The following CACNA1B variants were observed in gnomAD, a reference collection of about 807,000 sequenced individuals.
CACNA1B encodes calcium voltage-gated channel subunit alpha1 B, also known as voltage-dependent N-type calcium channel subunit alpha-1B.
Under a neutral mutation model 247.2 loss-of-function variants are expected in CACNA1B, and 70 were observed. The ratio of observed to expected loss-of-function variants is 0.28; its 90% CI spans 0.23 to 0.35. The LOEUF (loss-of-function observed/expected upper bound fraction) is 0.35. Among genes scored for constraint, CACNA1B ranks in the 10% least tolerant of loss-of-function variants. The pLI, the probability that CACNA1B is intolerant of heterozygous loss-of-function variation, is 1.00. For missense variants in CACNA1B, 2,367 were observed against 3,197.4 expected, an observed-to-expected ratio of 0.74 and a Z score of 6.26; for synonymous variants, 1,231 against 1,294.4, an observed-to-expected ratio of 0.95 and a Z score of 1.05.
chr9:137,960,613 G>C (rs939784150), intron 10 of CACNA1B, among the ~76,000 whole-genome samples: 2 of 151,986 alleles, frequency 1.3e-5, no homozygotes, highest in Non-Finnish European at 2.9e-5. Flanking sequence ...CGAGTGCCAA[G>C]ACCCTGAGGC....
chr9:137,914,418 A>T lies in CACNA1B; in HGVS notation c.623-236A>T, dbSNP rs1957389436. Among the ~76,000 whole-genome samples, 1 of 151,354 alleles carries T rather than the reference A, an allele frequency of 6.6e-6. No homozygotes were observed. The highest frequency in any genetic ancestry group is 2.4e-5 in the African/African-American group (1 of 41,068). On this transcript the variant is annotated intron_variant, in intron 4 of 46. Coordinates refer to ENST00000371372, the MANE Select transcript of CACNA1B (RefSeq NM_000718.4). This position sits in a 1 kb window ranked among gnomAD's most constrained non-coding sequence, Gnocchi z 4.3. Reference sequence around the variant, plus strand: ...CCTACTTTGAGACACTTCTCAGTCGACTTCTCTCTAGGACCTTATGCTTTG... The same window carrying T: ...CCTACTTTGAGACACTTCTCAGTCGTCTTCTCTCTAGGACCTTATGCTTTG...
rs138277172 is a variant in CACNA1B at position 138,056,933 on chromosome 9, G to GTTTTTTTT, written c.3969-786_3969-779dup. Among the ~76,000 whole-genome samples, 5 of 113,468 alleles carry GTTTTTTTT rather than the reference G, an allele frequency of 4.4e-5. 1 individual carries two copies. The highest frequency in any genetic ancestry group is 9.1e-5 in the Admixed American group (1 of 10,952). 74.4% of individuals were successfully genotyped at this position (113,468 alleles called of 152,430 possible). A position where few individuals can be genotyped will look rare whatever the true frequency, so the allele number is the denominator to read the frequency against. On this transcript the variant is annotated intron_variant, in intron 26 of 46. Coordinates refer to ENST00000371372, the MANE Select transcript of CACNA1B (RefSeq NM_000718.4). ...GATCCTTTACCCATTTTTTATTTGGGTTTTTTTTTTTTTTTTTTTTGAGAC... is the reference window on the plus strand; with the variant it reads ...GATCCTTTACCCATTTTTTATTTGGGTTTTTTTTTTTTTTTTTTTTTTTTTTTTGAGAC...
At position 137,976,698 on chromosome 9, in the gene CACNA1B, C is replaced by T. The variant is rs185805252; in HGVS notation, c.1656+679C>T. 4.5e-3 allele frequency among the ~76,000 whole-genome samples: 635 copies of T among 142,088 alleles called. 1 individual carries two copies. Among genetic ancestry groups the T allele is most frequent in the Non-Finnish European group, 6.6e-3 (435 of 65,692 alleles). 93.2% of individuals were successfully genotyped at this position (142,088 alleles called of 152,430 possible). ...GGCAGGGCAGTCTGAGAATTACCAA[C>T]TTATGTAGGTAGGGGAAGCCTTGGA... On this transcript the variant is annotated intron_variant, in intron 12 of 46. Coordinates refer to ENST00000371372, the MANE Select transcript of CACNA1B (RefSeq NM_000718.4).
In CACNA1B at chr9:137,952,150, C is replaced by T; in HGVS notation, c.967-124C>T. ...TGGACCTCCCTGTGACTGGCCTCCC[C>T]ACTGCCTGGACCCTACCAGGTGTGT... On this transcript the variant is annotated intron_variant, in intron 6 of 46. Coordinates refer to ENST00000371372, the MANE Select transcript of CACNA1B (RefSeq NM_000718.4). This position sits in a 1 kb window ranked among gnomAD's most constrained non-coding sequence, Gnocchi z 4.8. 1.4e-6 allele frequency: 1 copy of T among 716,094 alleles called. No homozygotes were observed. Among genetic ancestry groups the T allele is most frequent in the Non-Finnish European group, 2.5e-6 (1 of 404,254 alleles). The allele number at this position is 716,094 out of a possible 1,614,324, so 44.4% of individuals were successfully genotyped here. A position where few individuals can be genotyped will look rare whatever the true frequency, so the allele number is the denominator to read the frequency against.
Position 137,957,740 on chromosome 9 carries a change from T to C in CACNA1B, c.1333+53T>C. 1 of 1,282,778 alleles carries C rather than the reference T, an allele frequency of 7.8e-7. No individual in the cohort carries two copies. The highest frequency in any genetic ancestry group is 1.4e-5 in the South Asian group (1 of 69,332). The allele number at this position is 1,282,778 out of a possible 1,614,324, so 79.5% of individuals were successfully genotyped here. ...TGCCAGGCTTGAGCTGGACATGGAG[T>C]GCATGCTCCGCTTCCCCTGCTACCC... is the stretch of plus-strand genomic sequence containing the variant. On this transcript the variant is annotated intron_variant, in intron 10 of 46. Transcript: ENST00000371372. This position sits in a 1 kb window ranked among gnomAD's most constrained non-coding sequence, Gnocchi z 4.7.
chr9:137,931,231 G>A (rs141909080), intron 6 of CACNA1B, among the ~76,000 whole-genome samples: 156 of 151,860 alleles, frequency 1.0e-3, no homozygotes, highest in African/African-American at 3.7e-3. Context: ...GTGTGGGATC[G>A]GGCTCGCGTA....
intron 20 of CACNA1B, among the ~76,000 whole-genome samples, chr9:138,035,136 A>G (rs975608597): frequency 9.2e-5 from 14 of 152,340 alleles, no homozygotes; most frequent in Non-Finnish European, 1.6e-4. Flanking sequence ...TCATGTAGGC[A>G]TTTCATTATC....
Position 138,114,425 on chromosome 9 carries a change from G to A in CACNA1B, c.5584G>A (p.Asp1862Asn), listed in dbSNP as rs199901557. 8.2e-6 allele frequency: 13 copies of A among 1,594,684 alleles called. No homozygotes were observed. The highest frequency in any genetic ancestry group is 6.8e-5 in the East Asian group (3 of 44,400). The change falls in exon 41 of 47, where the codon GAC (aspartate) becomes AAC (asparagine). Residue 1862 changes from aspartate (D) to asparagine (N), a missense_variant. Coordinates refer to ENST00000371372, the MANE Select transcript of CACNA1B (RefSeq NM_000718.4). ...GGTTTATGCAGCTCTGATGATATTC[G>A]ACTTCTACAAGCAGAACAAAACCAC... ...GKVYAALMIF[D>N]FYKQNKTTRD...
At chr9:138,103,407 G>A (rs531507705) in intron 38 of CACNA1B, among the ~76,000 whole-genome samples, 60 of 152,322 alleles carry the variant, frequency 3.9e-4, no homozygotes, top group African/African-American at 1.3e-3. Flanking sequence ...GGGGTGCTGG[G>A]GAGAGGCATC....
rs771824005 is a variant in CACNA1B, at chr9:138,057,892, G to A, written c.4106+23G>A. 2.0e-5 allele frequency: 32 copies of A among 1,596,354 alleles called. No homozygotes were observed. Among genetic ancestry groups the A allele is most frequent in the Middle Eastern group, 1.8e-4 (1 of 5,694 alleles). ...CATGTGAGTGCTCATCCTGCTCTCC[G>A]TAGCTGGGGCAGGCAGCCCCTGAGC... On this transcript the variant is annotated intron_variant, in intron 27 of 46. Coordinates refer to ENST00000371372, the MANE Select transcript of CACNA1B (RefSeq NM_000718.4). The surrounding 1 kb of genome is among the most constrained non-coding windows in gnomAD (Gnocchi z 4.0).
chr9:138,026,094 G>A (rs544584494), intron 20 of CACNA1B, among the ~76,000 whole-genome samples: 12 of 152,274 alleles, frequency 7.9e-5, no homozygotes, highest in East Asian at 1.9e-4. Context: ...AGACGTGTGC[G>A]TGCCCATGTT....
intron 6 of CACNA1B, among the ~76,000 whole-genome samples, chr9:137,924,935 G>A (rs1957532589): frequency 2.0e-5 from 3 of 152,194 alleles, no homozygotes; most frequent in Admixed American, 2.0e-4. Context: ...TACTTGGCAG[G>A]CAGCCAGTGC....
rs887059871 is a variant in CACNA1B, at chr9:137,974,481, C to T, written c.1544-1426C>T. On this transcript the variant is annotated intron_variant, in intron 11 of 46. Coordinates refer to ENST00000371372, the MANE Select transcript of CACNA1B (RefSeq NM_000718.4). The surrounding 1 kb of genome is among the most constrained non-coding windows in gnomAD (Gnocchi z 4.5). ...CTCAGGCCATACAAAGTGGGGTGTC[C>T]GCTCCCTGAGACTCCTGTCTGTTTG... 5.3e-5 allele frequency among the ~76,000 whole-genome samples: 8 copies of T among 152,112 alleles called. No homozygotes were observed. Among genetic ancestry groups the T allele is most frequent in the South Asian group, 4.1e-4 (2 of 4,822 alleles).
chr9:138,104,499 A>AT (rs1301261694), intron 38 of CACNA1B, among the ~76,000 whole-genome samples: 4 of 152,244 alleles, frequency 2.6e-5, no homozygotes, highest in Admixed American at 6.5e-5. Context: ...CTGCACACAC[A>AT]TGCTGTGCAA....
chr9:138,086,083 A>G (rs1960684809), intron 36 of CACNA1B, among the ~76,000 whole-genome samples: 1 of 151,350 alleles, frequency 6.6e-6, no homozygotes, highest in Non-Finnish European at 1.5e-5. Context: ...AAAGATATAC[A>G]AAACAACCAG....
At chr9:137,906,578 ATG>A (rs1324860020) in intron 3 of CACNA1B, among the ~76,000 whole-genome samples, 2 of 151,456 alleles carry the variant, frequency 1.3e-5, no homozygotes, top group African/African-American at 2.4e-5. Context: ...TATTTAACAT[ATG>A]TGTGTCTCTG....
At position 138,058,527 on chromosome 9, in the gene CACNA1B, T is replaced by A. The variant is rs751964430; in HGVS notation, c.4309-42T>A. 1.3e-6 allele frequency: 2 copies of A among 1,569,494 alleles called. No individual in the cohort carries two copies. The highest frequency in any genetic ancestry group is 1.7e-6 in the Non-Finnish European group (2 of 1,157,660). ...GGTGCAGTAGATGCCGTCGGGTAGG[T>A]TTTCTGCTTCTGAGTCTCTGTGCTC... On this transcript the variant is annotated intron_variant, in intron 28 of 46. Coordinates refer to ENST00000371372, the MANE Select transcript of CACNA1B (RefSeq NM_000718.4). The surrounding 1 kb of genome is among the most constrained non-coding windows in gnomAD (Gnocchi z 4.7).
chr9:137,948,920 G>A (rs554882993), intron 6 of CACNA1B, among the ~76,000 whole-genome samples: 1 of 141,306 alleles, frequency 7.1e-6, no homozygotes, highest in Non-Finnish European at 1.6e-5. Context: ...TGTTTGTGGT[G>A]TCTCTGTGGT....
At chr9:138,083,773 T>TG in intron 36 of CACNA1B, among the ~76,000 whole-genome samples, 1 of 150,534 alleles carries the variant, frequency 6.6e-6, no homozygotes, top group Non-Finnish European at 1.5e-5. Context: ...GAGACAGACC[T>TG]GGGGAGTGGA....
Sources: gnomAD v4.1 joint callset for allele counts (sites outside exome capture counted in the v4.1 genomes callset) on GRCh38, gnomAD v4.1.1 for gene constraint, Gnocchi (gnomAD v3.1) non-coding constraint, MANE v1.5 for transcripts, NCBI Gene and HGNC (gene_info 2026-07-23, HGNC 2026-07-21) for gene names.